The following FIRRM variants were observed in gnomAD, a reference collection of about 807,000 sequenced individuals.
The protein encoded by FIRRM is FIGNL1-interacting regulator of recombination and mitosis.
At chr1:169,787,696 A>AT in the FIRRM span, among the ~76,000 whole-genome samples, 1 of 152,040 alleles carries the variant, frequency 6.6e-6, no homozygotes, top group African/African-American at 2.4e-5. Context: ...ACATTGAACC[A>AT]TTTTTTTCTT....
At chr1:169,846,482 A>G in the FIRRM span, among the ~76,000 whole-genome samples, 5 of 152,212 alleles carry the variant, frequency 3.3e-5, no homozygotes, top group Non-Finnish European at 5.9e-5. Flanking sequence ...TTTCCTCTAC[A>G]TTAAAAATAT....
At chr1:169,826,925 C>A in the FIRRM span, 2 of 780,720 alleles carry the variant, frequency 2.6e-6, no homozygotes, top group Non-Finnish European at 3.9e-6. Flanking sequence ...ATAAAATGCA[C>A]ACTTATTTTT....
the FIRRM span, among the ~76,000 whole-genome samples, chr1:169,828,825 C>T: frequency 6.6e-6 from 1 of 152,170 alleles, no homozygotes; most frequent in Non-Finnish European, 1.5e-5. Flanking sequence ...GGATTACAGG[C>T]GTGAGCCACT....
the FIRRM span, chr1:169,798,921 A>C: frequency 7.5e-7 from 1 of 1,327,230 alleles, no homozygotes; most frequent in Non-Finnish European, 1.0e-6. Flanking sequence ...TATCCTACTC[A>C]TTGTCTCAAC....
chr1:169,847,567 G>T, the FIRRM span: 7 of 664,584 alleles, frequency 1.1e-5, no homozygotes, highest in South Asian at 9.9e-5. Flanking sequence ...TGGTGTGTTT[G>T]TTTTTTTCTG....
the FIRRM span, among the ~76,000 whole-genome samples, chr1:169,789,542 A>T: frequency 6.6e-6 from 1 of 152,236 alleles, no homozygotes; most frequent in Non-Finnish European, 1.5e-5. Context: ...CATCTGAGAA[A>T]TGGGCAGTTT....
chr1:169,798,636 G>A, the FIRRM span, among the ~76,000 whole-genome samples: 1 of 152,186 alleles, frequency 6.6e-6, no homozygotes, highest in African/African-American at 2.4e-5. Context: ...TTGTAGCATT[G>A]TTTCTCATCT....
the FIRRM span, among the ~76,000 whole-genome samples, chr1:169,816,567 T>C: frequency 5.9e-5 from 9 of 152,198 alleles, no homozygotes; most frequent in African/African-American, 1.9e-4. Context: ...CACATGGGCT[T>C]TTTAAAATTG....
chr1:169,848,142 A>G, the FIRRM span, among the ~76,000 whole-genome samples: 1 of 152,156 alleles, frequency 6.6e-6, no homozygotes, highest in Non-Finnish European at 1.5e-5. Context: ...AATTTATTAA[A>G]GTTATTCTCT....
the FIRRM span, chr1:169,850,319 A>G: frequency 1.9e-6 from 3 of 1,610,044 alleles, no homozygotes; most frequent in Non-Finnish European, 2.6e-6. Context: ...AGAAACTAAG[A>G]ACAAAGTTGT....
chr1:169,853,313 A>AAGTTGTATTTCATAATAGAGCTTACTC, the FIRRM span: 1 of 338,160 alleles, frequency 3.0e-6, no homozygotes, highest in Admixed American at 4.4e-5. Flanking sequence ...AAATTTTTTA[A>AAGTTGTATTTCATAATAGAGCTTACTC]AGTTGTATTT....
the FIRRM span, among the ~76,000 whole-genome samples, chr1:169,828,059 T>C: frequency 1.1e-4 from 17 of 152,332 alleles, no homozygotes; most frequent in South Asian, 3.3e-3. Flanking sequence ...TAATATTTAA[T>C]TTTGTTCAGT....
the FIRRM span, among the ~76,000 whole-genome samples, chr1:169,844,156 C>T: frequency 6.6e-6 from 1 of 152,186 alleles, no homozygotes; most frequent in Non-Finnish European, 1.5e-5. Context: ...TAAAAGATAG[C>T]ACCTATTGTT....
At chr1:169,835,154 T>TAA in the FIRRM span, among the ~76,000 whole-genome samples, 1 of 152,108 alleles carries the variant, frequency 6.6e-6, no homozygotes, top group Non-Finnish European at 1.5e-5. Context: ...TTTTAAATAG[T>TAA]AAAATAAGAA....
the FIRRM span, chr1:169,823,461 T>C: frequency 1.3e-6 from 2 of 1,599,936 alleles, no homozygotes; most frequent in Admixed American, 1.7e-5. Flanking sequence ...AACTGTATCT[T>C]CAGATACACA....
chr1:169,810,834 A>ATTTTTTTTTTTTTTTTTTTTTTTTTT, the FIRRM span, among the ~76,000 whole-genome samples: 4 of 61,208 alleles, frequency 6.5e-5, 2 homozygotes, highest in Admixed American at 4.8e-4. Flanking sequence ...TTAGCCCCCA[A>ATTTTTTTTTTTTTTTTTTTTTTTTTT]TTTTTTTTTT....
At chr1:169,795,237 C>A in the FIRRM span, 2 of 1,531,704 alleles carry the variant, frequency 1.3e-6, no homozygotes, top group Non-Finnish European at 1.7e-6. Flanking sequence ...GTTGTCACTT[C>A]TACCTAGAGA....
the FIRRM span, among the ~76,000 whole-genome samples, chr1:169,826,507 C>T: frequency 6.6e-6 from 1 of 151,904 alleles, no homozygotes; most frequent in Admixed American, 6.6e-5. Context: ...GGATTACAGG[C>T]ATGCACCACC....
At chr1:169,802,592 C>A in the FIRRM span, 3 of 1,429,728 alleles carry the variant, frequency 2.1e-6, no homozygotes, top group Non-Finnish European at 2.9e-6. Flanking sequence ...TTCTCTTATT[C>A]CTGTTTATTA....
Sources: allele counts gnomAD v4.1 joint callset (sites outside exome capture counted in the v4.1 genomes callset), GRCh38; gene constraint gnomAD v4.1.1; transcripts MANE v1.5; gene names NCBI Gene and HGNC (gene_info 2026-07-23, HGNC 2026-07-21).